Variants in MYOM2 observed in about 807,000 individuals in gnomAD.
The protein encoded by MYOM2 is myomesin-2.
Under a neutral mutation model 187.6 loss-of-function variants are expected in MYOM2, and 254 were observed. That is an observed-to-expected ratio of 1.35 (90% CI 1.22 to 1.50). The LOEUF is 1.50. Ranked by LOEUF, MYOM2 falls within the 40% of genes most tolerant of loss-of-function variation. The pLI, the probability that MYOM2 is intolerant of heterozygous loss-of-function variation, is 0.00. For missense variants in MYOM2, 2,796 were observed against 1,924.0 expected (o/e 1.45, Z -8.48); for synonymous variants, 981 against 753.8 (o/e 1.30, Z -4.94).
intron 28 of MYOM2, 143 bp from the exon 29 acceptor site, chr8:2,123,109 C>G (rs112068287): frequency 0.029 from 14,593 of 507,770 alleles, 251 homozygotes; most frequent in Middle Eastern, 0.037. Flanking sequence ...ACAGCTTTTC[C>G]ATAAGCCTTC....
intron 32 of MYOM2, among the ~76,000 whole-genome samples, chr8:2,136,126 G>T (rs1202316928): frequency 6.6e-6 from 1 of 152,228 alleles, no homozygotes; most frequent in African/African-American, 2.4e-5. Context: ...AGAGAAGTGT[G>T]TGTGATGCAA....
chr8:2,084,450 A>G (rs1819738318), intron 13 of MYOM2, among the ~76,000 whole-genome samples: 1 of 152,252 alleles, frequency 6.6e-6, no homozygotes, highest in Admixed American at 6.5e-5. Flanking sequence ...GGGAGGTTTC[A>G]GACCGTTTTA....
At chr8:2,072,011 T>TG (rs34109028) in intron 8 of MYOM2, among the ~76,000 whole-genome samples, 1,917 of 152,256 alleles carry the variant, frequency 0.013, 29 homozygotes, top group African/African-American at 0.044. Context: ...ACTGGAATTC[T>TG]GGGGGGACAC....
At position 2,144,980 on chromosome 8, in the gene MYOM2, G is replaced by A; in HGVS notation, c.4397G>A (p.Ter1466=). The stretch of plus-strand genomic sequence containing the variant: ...GCGTCTGCCTCAGCGGCAGGCCAGT[G>A]AAGGCGTTTTCCTAGCCTGGAGATG... ...IPASASAAGQ[*] is the part of the protein sequence containing the mutation. The change falls in exon 37 of 37, where the codon TGA becomes TAA. Residue 1466 remains the stop codon, a stop_retained_variant. Coordinates refer to ENST00000262113, the MANE Select transcript of MYOM2 (RefSeq NM_003970.4). The A allele has an allele frequency of 2.5e-6, 4 of 1,613,364 alleles. No individual in the cohort carries two copies. The highest frequency in any genetic ancestry group is 3.4e-6 in the Non-Finnish European group (4 of 1,179,802).
chr8:2,047,313 T>C (rs1420238549), intron 1 of MYOM2, among the ~76,000 whole-genome samples: 1 of 152,118 alleles, frequency 6.6e-6, no homozygotes, highest in Non-Finnish European at 1.5e-5. Context: ...TGAGGGACAC[T>C]GGGGAAGTTC....
chr8:2,092,773 C>G (rs1796353579), intron 16 of MYOM2, among the ~76,000 whole-genome samples: 1 of 151,798 alleles, frequency 6.6e-6, no homozygotes, highest in African/African-American at 2.4e-5. Context: ...TTTTTTTTTC[C>G]CCTGACATAA....
chr8:2,092,258 G>A (rs1386764629), intron 15 of MYOM2, 88 bp from the exon 16 acceptor site: 6 of 1,477,302 alleles, frequency 4.1e-6, no homozygotes, highest in Admixed American at 1.8e-5. Flanking sequence ...TGGCTGTCCA[G>A]TTCCCTGTGA....
chr8:2,047,091 A>T (rs1425964994), intron 1 of MYOM2, among the ~76,000 whole-genome samples: 1 of 152,194 alleles, frequency 6.6e-6, no homozygotes, highest in Non-Finnish European at 1.5e-5. Flanking sequence ...CTGAAAAACA[A>T]ATCGGGAATT....
chr8:2,108,349 T>C (rs986363803), intron 23 of MYOM2, among the ~76,000 whole-genome samples: 1 of 152,144 alleles, frequency 6.6e-6, no homozygotes, highest in African/African-American at 2.4e-5. Flanking sequence ...TGTGTATATC[T>C]TTCTTTAATG....
rs750602791 is a variant in MYOM2, at chr8:2,090,032, C to T, written c.1669C>T (p.Gln557Ter). 14 of 1,613,746 alleles carry T rather than the reference C, an allele frequency of 8.7e-6. No individual in the cohort carries two copies. The South Asian group carries it at 1.5e-4, about 18-fold the overall frequency. ...EKSVVGSGSW[Q>*]RVNAQTAVRS... is the part of the protein sequence containing the mutation. ...GTCCGTGGTGGGGAGCGGCAGCTGG[C>T]AGAGAGTCAACGCCCAGACGGCTGT... The change falls in exon 15 of 37, where the codon CAG (glutamine) becomes TAG (stop). Residue 557 changes from glutamine (Q) to a stop codon, truncating the protein, a stop_gained. Coordinates refer to ENST00000262113, the MANE Select transcript of MYOM2 (RefSeq NM_003970.4). LOFTEE classifies it high-confidence loss of function.
intron 14 of MYOM2, 126 bp downstream of exon 14, chr8:2,085,516 C>CCCCCTACTGTTGTGATCTCTGCGTGG: frequency 3.1e-6 from 2 of 649,012 alleles, no homozygotes; most frequent in Non-Finnish European, 4.5e-6. Context: ...CTCCGCGTGG[C>CCCCCTACTGTTGTGATCTCTGCGTGG]CCCCCACTGT....
intron 21 of MYOM2, among the ~76,000 whole-genome samples, chr8:2,104,924 C>T (rs1796841691): frequency 6.6e-6 from 1 of 152,184 alleles, no homozygotes; most frequent in African/African-American, 2.4e-5. Flanking sequence ...ACCTAATCAC[C>T]TCTTTTAAAA....
chr8:2,065,702 T>C (rs1387613614), intron 6 of MYOM2, among the ~76,000 whole-genome samples: 3 of 152,212 alleles, frequency 2.0e-5, no homozygotes, highest in African/African-American at 7.2e-5. Flanking sequence ...CCAAGACAAG[T>C]AGTTTCAAAT....
intron 18 of MYOM2, among the ~76,000 whole-genome samples, chr8:2,098,584 C>T (rs140632522): frequency 6.6e-6 from 1 of 152,176 alleles, no homozygotes; most frequent in Non-Finnish European, 1.5e-5. Context: ...TGGGGTATCA[C>T]CTGTCCCCTA....
chr8:2,059,159 AG>A lies in MYOM2; in HGVS notation c.568del (p.Asp190MetfsTer4). 1 of 1,614,108 alleles carries A rather than the reference AG, an allele frequency of 6.2e-7. No homozygotes were observed. The highest frequency in any genetic ancestry group is 8.5e-7 in the Non-Finnish European group (1 of 1,179,964). On this transcript the variant is annotated frameshift_variant, in exon 6 of 37. Coordinates refer to ENST00000262113, the MANE Select transcript of MYOM2 (RefSeq NM_003970.4). LOFTEE classifies it high-confidence loss of function. Reference sequence around the variant, plus strand: ...ACATGCCTCCCTCATTTAGGTACAAAGATGGCAGTCTGATTTGCCAGGCGGC... The same window carrying A: ...ACATGCCTCCCTCATTTAGGTACAAAATGGCAGTCTGATTTGCCAGGCGGC... ...FPTPVVQWYK[D>X]GSLICQAAEP...
Position 2,085,619 on chromosome 8 carries a change from C to CCCACTGTTGTGATCTTTGCGTGG in MYOM2, c.1644+231_1644+232insACTGTTGTGATCTTTGCGTGGCC, listed in dbSNP as rs2116704707. 8.0e-4 allele frequency among the ~76,000 whole-genome samples: 4 copies of CCCACTGTTGTGATCTTTGCGTGG among 5,028 alleles called. 2 individuals carry two copies. Among genetic ancestry groups the CCCACTGTTGTGATCTTTGCGTGG allele is most frequent in the Non-Finnish European group, 1.2e-3 (4 of 3,270 alleles). The allele number at this position is 5,028 out of a possible 152,430, so 3.3% of individuals were successfully genotyped here. ...CCCACTGTCGTGATCTCTGCGTGGCCCCCCACAGTCGTGATCTCTTTGTGG... is the reference window on the plus strand; with the variant it reads ...CCCACTGTCGTGATCTCTGCGTGGCCCCACTGTTGTGATCTTTGCGTGGCCCCACAGTCGTGATCTCTTTGTGG... On this transcript the variant is annotated intron_variant, in intron 14 of 36. Coordinates refer to ENST00000262113, the MANE Select transcript of MYOM2 (RefSeq NM_003970.4).
In MYOM2 at chr8:2,116,043, C is replaced by T. The variant is rs1411317094; in HGVS notation, c.3264C>T (p.Tyr1088=). 1 of 1,614,102 alleles carries T rather than the reference C, an allele frequency of 6.2e-7. No homozygotes were observed. Among genetic ancestry groups the T allele is most frequent in the Non-Finnish European group, 8.5e-7 (1 of 1,180,006 alleles). The change falls in exon 26 of 37, where the codon TAC becomes TAT. Residue 1088 remains tyrosine (Y), a synonymous_variant. Transcript: ENST00000262113. ...DRFSIENEGT[Y]TVQIHDGKAK... Reference sequence around the variant, plus strand: ...TTAGTATTGAAAATGAGGGGACCTACACTGTGCAGATTCATGATGGGAAAG... The same window carrying T: ...TTAGTATTGAAAATGAGGGGACCTATACTGTGCAGATTCATGATGGGAAAG...
chr8:2,050,723 G>A, intron 1 of MYOM2, 32 bp from the exon 2 acceptor site: 1 of 1,322,112 alleles, frequency 7.6e-7, no homozygotes, highest in Non-Finnish European at 1.1e-6. Flanking sequence ...GCTTGCGAGG[G>A]AGCTCAGTGT....
In MYOM2 at chr8:2,117,939, G is replaced by A. The variant is rs906512545; in HGVS notation, c.3440G>A (p.Arg1147Gln). The change falls in exon 28 of 37, where the codon CGA (arginine) becomes CAA (glutamine). Residue 1147 changes from arginine (R) to glutamine (Q), a missense_variant. Arg to Gln is a conservative substitution (Grantham distance 43). Transcript: ENST00000262113. ...GATGTCACGGAAGAATGTGAAGTTC[G>A]ACTTGTTTGCAAGGTGAGAAACCCG... ...HWDVTEECEV[R>Q]LVCKVANTKK... is the part of the protein sequence containing the mutation. 1.2e-5 allele frequency: 20 copies of A among 1,612,522 alleles called. No homozygotes were observed. The highest frequency in any genetic ancestry group is 2.2e-5 in the East Asian group (1 of 44,844).
Sources: allele counts gnomAD v4.1 joint callset (sites outside exome capture counted in the v4.1 genomes callset), GRCh38; gene constraint gnomAD v4.1.1; transcripts MANE v1.5; gene names NCBI Gene and HGNC (gene_info 2026-07-23, HGNC 2026-07-21).